DPPA2: variants seen among roughly 807,000 people sequenced by gnomAD.
DPPA2 encodes the protein developmental pluripotency associated 2, also known as developmental pluripotency-associated protein 2.
Under a neutral mutation model 36.2 loss-of-function variants are expected in DPPA2, and 26 were observed. The ratio of observed to expected loss-of-function variants is 0.72; its 90% CI spans 0.53 to 1.00. The LOEUF (loss-of-function observed/expected upper bound fraction) is 1.00, where lower values mean the gene tolerates loss of function less well. DPPA2 is among the 50% of genes least tolerant of loss of function. The probability of loss-of-function intolerance (pLI) is 0.00; values close to 1 mark genes in which losing one functional copy is unlikely to be tolerated. For missense variants in DPPA2, 361 were observed against 365.1 expected (o/e 0.99, Z 0.09); for synonymous variants, 113 against 123.2 (o/e 0.92, Z 0.55).
chr3:109,308,822 A>G (rs1470545151), intron 5 of DPPA2, among the ~76,000 whole-genome samples: 1 of 152,210 alleles, frequency 6.6e-6, no homozygotes, highest in Non-Finnish European at 1.5e-5. Flanking sequence ...CAGCTGGTAG[A>G]GGCTGGGGAT....
At chr3:109,296,018 C>A (rs543551962) in intron 8 of DPPA2, among the ~76,000 whole-genome samples, 26 of 152,130 alleles carry the variant, frequency 1.7e-4, no homozygotes, top group South Asian at 6.2e-4. Context: ...AATGAAAAAT[C>A]TTTTTAAAAA....
chr3:109,316,208 C>T (rs1553694953), intron 1 of DPPA2, 76 bp downstream of exon 1: 3 of 152,292 alleles, frequency 2.0e-5, no homozygotes, highest in South Asian at 2.1e-4. Context: ...CCCCTCCCCC[C>T]ACACTCCAGT....
intron 3 of DPPA2, among the ~76,000 whole-genome samples, 170 bp downstream of exon 3, chr3:109,312,375 G>C (rs907063107): frequency 9.2e-5 from 14 of 152,070 alleles, no homozygotes; most frequent in African/African-American, 3.4e-4. Context: ...AGTACATTGG[G>C]CTTAGCAAGC....
intron 6 of DPPA2, among the ~76,000 whole-genome samples, chr3:109,306,188 G>C (rs1299005908): frequency 6.6e-6 from 1 of 152,124 alleles, no homozygotes; most frequent in African/African-American, 2.4e-5. Context: ...ACATACCTCT[G>C]GACCACAGCA....
chr3:109,297,817 C>T (rs1332535138), intron 8 of DPPA2, among the ~76,000 whole-genome samples: 1 of 152,054 alleles, frequency 6.6e-6, no homozygotes, highest in Non-Finnish European at 1.5e-5. Flanking sequence ...AATGGCAAAG[C>T]TATGATAGGC....
chr3:109,297,530 C>CAA (rs76719839), intron 8 of DPPA2, among the ~76,000 whole-genome samples: 2 of 118,506 alleles, frequency 1.7e-5, no homozygotes, highest in East Asian at 2.4e-4. Flanking sequence ...GAGTCTGTCT[C>CAA]AAAAAAAAAA....
intron 8 of DPPA2, among the ~76,000 whole-genome samples, chr3:109,298,957 G>A (rs986045906): frequency 6.0e-5 from 9 of 151,224 alleles, no homozygotes; most frequent in African/African-American, 2.2e-4. Context: ...GAGGTGAGAG[G>A]ATGGCTTGAA....
At chr3:109,299,272 G>A (rs1355832172) in intron 8 of DPPA2, among the ~76,000 whole-genome samples, 1 of 152,092 alleles carries the variant, frequency 6.6e-6, no homozygotes, top group Non-Finnish European at 1.5e-5. Context: ...CAGCACTTTG[G>A]GAAACCGAAG....
chr3:109,297,843 A>G (rs1707380717), intron 8 of DPPA2, among the ~76,000 whole-genome samples: 1 of 152,250 alleles, frequency 6.6e-6, no homozygotes, highest in African/African-American at 2.4e-5. Flanking sequence ...ACACTGGCTT[A>G]TGCCTGTAAT....
intron 6 of DPPA2, among the ~76,000 whole-genome samples, chr3:109,304,876 G>A (rs1707525957): frequency 6.6e-6 from 1 of 152,202 alleles, no homozygotes; most frequent in African/African-American, 2.4e-5. Context: ...GCTAGGCGCG[G>A]TGGCTCACGC....
chr3:109,304,470 GTTAC>G lies in DPPA2; in HGVS notation c.854+1_854+4del. On this transcript the variant is annotated splice_donor_variant and splice_donor_region_variant and intron_variant, in intron 7 of 8. Coordinates refer to ENST00000478945, the MANE Select transcript of DPPA2 (RefSeq NM_138815.4). LOFTEE classifies it high-confidence loss of function. The stretch of plus-strand genomic sequence containing the variant: ...GCCATGCTTAACAAGATACATAAGG[GTTAC>G]CTCTTAGCACAGTCGGGGCATAACA... 2 of 1,605,044 alleles carry G rather than the reference GTTAC, an allele frequency of 1.2e-6. No homozygotes were observed. Among genetic ancestry groups the G allele is most frequent in the Non-Finnish European group, 1.7e-6 (2 of 1,176,166 alleles).
At chr3:109,313,199 T>C (rs891976370) in intron 2 of DPPA2, among the ~76,000 whole-genome samples, 14 of 152,356 alleles carry the variant, frequency 9.2e-5, no homozygotes, top group African/African-American at 3.4e-4. Context: ...TGGCTTGTCA[T>C]TGTTATTCTG....
chr3:109,307,882 C>T, intron 6 of DPPA2, 150 bp downstream of exon 6: 1 of 1,052,254 alleles, frequency 9.5e-7, no homozygotes, highest in Non-Finnish European at 1.3e-6. Context: ...ATCAATATGA[C>T]AGATAGAAGA....
intron 5 of DPPA2, 135 bp downstream of exon 5, chr3:109,308,891 T>G: frequency 1.8e-6 from 2 of 1,106,748 alleles, no homozygotes; most frequent in Non-Finnish European, 2.6e-6. Flanking sequence ...AAATTATTTG[T>G]TCCGAAATAT....
chr3:109,315,547 G>T (rs1707772806), intron 1 of DPPA2, among the ~76,000 whole-genome samples: 1 of 152,112 alleles, frequency 6.6e-6, no homozygotes, highest in African/African-American at 2.4e-5. Flanking sequence ...TGTTCTCATA[G>T]GTCACTCTAA....
At chr3:109,299,328 T>G (rs1045990233) in intron 8 of DPPA2, among the ~76,000 whole-genome samples, 2 of 151,894 alleles carry the variant, frequency 1.3e-5, no homozygotes, top group African/African-American at 4.8e-5. Context: ...CTGGCCAATA[T>G]GGCAAAACCC....
At chr3:109,305,196 T>A (rs1707534722) in intron 6 of DPPA2, among the ~76,000 whole-genome samples, 1 of 152,000 alleles carries the variant, frequency 6.6e-6, no homozygotes, top group Non-Finnish European at 1.5e-5. Context: ...TAAAAAATAA[T>A]GGTTGCCATT....
chr3:109,314,106 G>A (rs189237827), intron 2 of DPPA2, among the ~76,000 whole-genome samples: 6 of 151,870 alleles, frequency 4.0e-5, no homozygotes, highest in Admixed American at 2.0e-4. Context: ...CCACATTACC[G>A]CCTTCACTTT....
chr3:109,294,597 T>C (rs1343620715), intron 8 of DPPA2, among the ~76,000 whole-genome samples: 1 of 152,144 alleles, frequency 6.6e-6, no homozygotes, highest in Non-Finnish European at 1.5e-5. Flanking sequence ...AGCAGTTAAG[T>C]GTAAAGGGTG....
Sources: allele counts gnomAD v4.1 joint callset (sites outside exome capture counted in the v4.1 genomes callset), GRCh38; gene constraint gnomAD v4.1.1; transcripts MANE v1.5; gene names NCBI Gene and HGNC (gene_info 2026-07-23, HGNC 2026-07-21).